Variants in CEP41 observed in about 807,000 individuals in gnomAD.
CEP41 encodes centrosomal protein 41, also known as centrosomal protein of 41 kDa.
Under a neutral mutation model 44.3 loss-of-function variants are expected in CEP41, and 32 were observed. That is an observed-to-expected ratio of 0.72 (90% CI 0.54 to 0.97). The LOEUF is 0.97. Among genes scored for constraint, CEP41 ranks in the 50% least tolerant of loss-of-function variants. The pLI, the probability that CEP41 is intolerant of heterozygous loss-of-function variation, is 0.00. For synonymous variants in CEP41, 151 were observed against 168.5 expected (o/e 0.90, Z 0.80); for missense variants, 432 against 455.2 (o/e 0.95, Z 0.46).
At chr7:130,401,785 T>C in intron 8 of CEP41, 96 bp downstream of exon 8, 1 of 818,854 alleles carries the variant, frequency 1.2e-6, no homozygotes, top group Non-Finnish European at 2.1e-6. Context: ...ATATCAAAGG[T>C]CCTTCACAGC....
chr7:130,437,764 CAAAAAAAAAAAA>C (rs1171735164), intron 1 of CEP41, among the ~76,000 whole-genome samples: 37 of 32,426 alleles, frequency 1.1e-3, no homozygotes, highest in Non-Finnish European at 1.4e-3. Context: ...AAGACTGTCT[CAAAAAAAAAAAA>C]AAAAAAAAAA....
At chr7:130,419,942 TGG>T (rs1386222386) in intron 2 of CEP41, 3 of 984,324 alleles carry the variant, frequency 3.0e-6, no homozygotes, top group Non-Finnish European at 3.6e-6. Flanking sequence ...GGACTATTTA[TGG>T]GCACGTACAC....
Position 130,394,773 on chromosome 7 carries a change from T to TA in CEP41, c.*4117dup, listed in dbSNP as rs1554413847. 2 of 453,972 alleles carry TA rather than the reference T, an allele frequency of 4.4e-6. No homozygotes were observed. Among genetic ancestry groups the TA allele is most frequent in the Non-Finnish European group, 8.8e-6 (2 of 226,802 alleles). 28.1% of individuals were successfully genotyped at this position (453,972 alleles called of 1,614,324 possible). A position where few individuals can be genotyped will look rare whatever the true frequency, so the allele number is the denominator to read the frequency against. On this transcript the variant is annotated 3_prime_UTR_variant, in exon 11 of 11. Transcript: ENST00000223208. The stretch of plus-strand genomic sequence containing the variant: ...TTCAATTCATTTATTCATGAACACT[T>TA]ATTAAGGGCCACTGTCACAGGGTTG...
In CEP41 at chr7:130,394,379, G is replaced by A. The variant is rs781813144; in HGVS notation, c.*4512C>T. ...AATTAAATGGGTCAAAACATATAAT[G>A]AAGAATCTAGGAGCAAAGTAAGCTC... is the stretch of plus-strand genomic sequence containing the variant. On this transcript the variant is annotated 3_prime_UTR_variant, in exon 11 of 11. Transcript: ENST00000223208. 2.2e-6 allele frequency: 1 copy of A among 454,060 alleles called. No homozygotes were observed. Among genetic ancestry groups the A allele is most frequent in the South Asian group, 1.6e-5 (1 of 64,472 alleles). 28.1% of individuals were successfully genotyped at this position (454,060 alleles called of 1,614,324 possible).
intron 10 of CEP41, chr7:130,399,685 T>C (rs1796782081): frequency 3.8e-6 from 1 of 263,626 alleles, no homozygotes. Flanking sequence ...CCTGGTGTGG[T>C]GGCGGGCACC....
chr7:130,421,784 G>A, intron 2 of CEP41: 1 of 1,251,000 alleles, frequency 8.0e-7, no homozygotes, highest in Non-Finnish European at 1.0e-6. Flanking sequence ...TGCAGCCAAT[G>A]AAAGACTGTG....
At chr7:130,422,077 T>A in intron 2 of CEP41, 2 of 1,521,666 alleles carry the variant, frequency 1.3e-6, no homozygotes, top group Non-Finnish European at 1.8e-6. Context: ...GCACTCAGTG[T>A]TTGAGTTCAT....
rs3839655 is a variant in CEP41 at position 130,395,364 on chromosome 7, G to GA, written c.*3526dup. On this transcript the variant is annotated 3_prime_UTR_variant, in exon 11 of 11. Transcript: ENST00000223208. ...CCACACATTTGCGGTGTTTCCTGGG[G>GA]AAAAAAAAGTATCGTGGGAGTTAAA... 0.35 allele frequency: 160,563 copies of GA among 453,324 alleles called. 29,547 individuals are homozygous for GA. Among genetic ancestry groups the GA allele is most frequent in the African/African-American group, 0.49 (24,310 of 49,872 alleles). The allele number at this position is 453,324 out of a possible 1,614,324, so 28.1% of individuals were successfully genotyped here.
chr7:130,397,644 C>A lies in CEP41; in HGVS notation c.*1247G>T, dbSNP rs1420321987. On this transcript the variant is annotated 3_prime_UTR_variant, in exon 11 of 11. Coordinates refer to ENST00000223208, the MANE Select transcript of CEP41 (RefSeq NM_018718.3). ...AAGCTGGTTGCCATGACAAAGAGCA[C>A]AATTTATTCCTCAGTCCCTTATCAC... 4.4e-6 allele frequency: 2 copies of A among 452,562 alleles called. No individual in the cohort carries two copies. The highest frequency in any genetic ancestry group is 6.8e-4 in the Middle Eastern group (1 of 1,464). The allele number at this position is 452,562 out of a possible 1,614,324, so 28.0% of individuals were successfully genotyped here.
chr7:130,413,294 C>T (rs1554420216), intron 3 of CEP41, among the ~76,000 whole-genome samples: 1 of 151,650 alleles, frequency 6.6e-6, no homozygotes, highest in African/African-American at 2.4e-5. Context: ...TCCGGCCCCA[C>T]CATTTAAAAA....
intron 1 of CEP41, among the ~76,000 whole-genome samples, chr7:130,432,319 A>C (rs1024709796): frequency 6.1e-4 from 93 of 152,160 alleles, no homozygotes; most frequent in African/African-American, 2.2e-3. Context: ...ATGTTAAATC[A>C]ATATAATTTA....
At chr7:130,441,578 T>C (rs1798172322), upstream of CEP41, among the ~76,000 whole-genome samples, 1 of 152,268 alleles carries the variant, frequency 6.6e-6, no homozygotes, top group East Asian at 1.9e-4. Context: ...TTAGGCTAGC[T>C]ATAGAGCGAC....
intron 1 of CEP41, among the ~76,000 whole-genome samples, chr7:130,433,165 GC>G (rs1485168082): frequency 2.0e-5 from 3 of 152,182 alleles, no homozygotes; most frequent in African/African-American, 7.2e-5. Flanking sequence ...ATTGTTGACG[GC>G]CCTGGTGGAA....
intron 1 of CEP41, among the ~76,000 whole-genome samples, chr7:130,430,575 T>C (rs1052957877): frequency 2.6e-5 from 4 of 152,184 alleles, no homozygotes; most frequent in Middle Eastern, 3.4e-3. Flanking sequence ...AAGGAAAACA[T>C]ACAAAGATTG....
intron 1 of CEP41, among the ~76,000 whole-genome samples, chr7:130,435,977 ATGT>A (rs1350293437): frequency 6.6e-6 from 1 of 152,168 alleles, no homozygotes; most frequent in Non-Finnish European, 1.5e-5. Context: ...AGATGGTGAA[ATGT>A]TGTCTCTACT....
intron 2 of CEP41, chr7:130,420,762 A>T: frequency 2.2e-6 from 1 of 450,142 alleles, no homozygotes; most frequent in Non-Finnish European, 2.9e-6. Context: ...ACAGAGCGAG[A>T]CTTCATCTCA....
At chr7:130,440,786 G>A (rs1554427409) in intron 1 of CEP41, 148 bp downstream of exon 1, 1 of 224,406 alleles carries the variant, frequency 4.5e-6, no homozygotes, top group South Asian at 3.1e-5. Flanking sequence ...AGCCCGGCCC[G>A]CCCCGCCCCT....
At chr7:130,429,500 C>A (rs1359080587) in intron 1 of CEP41, among the ~76,000 whole-genome samples, 1 of 152,190 alleles carries the variant, frequency 6.6e-6, no homozygotes, top group Non-Finnish European at 1.5e-5. Context: ...CTTTTTCTGG[C>A]CTGCAGGTAT....
intron 5 of CEP41, chr7:130,410,892 A>T (rs1797162395): frequency 1.7e-6 from 1 of 598,298 alleles, no homozygotes; most frequent in Admixed American, 3.0e-5. Flanking sequence ...TATTAAACAC[A>T]TCTAAAACAT....
Sources: gnomAD v4.1 joint callset for allele counts (sites outside exome capture counted in the v4.1 genomes callset) on GRCh38, gnomAD v4.1.1 for gene constraint, MANE v1.5 for transcripts, NCBI Gene and HGNC (gene_info 2026-07-23, HGNC 2026-07-21) for gene names.